Variants in PGM5 observed in about 807,000 individuals in gnomAD.
PGM5 encodes the protein phosphoglucomutase 5.
PGM5 carries 23 observed loss-of-function variants against 59.2 expected under a neutral mutation model. That is an observed-to-expected ratio of 0.39 (90% confidence interval 0.28 to 0.55). The LOEUF (loss-of-function observed/expected upper bound fraction) is 0.55. Ranked by LOEUF, PGM5 falls within the 20% of genes least tolerant of loss-of-function variation. PGM5 has a pLI of 0.66. For missense variants in PGM5, 574 were observed against 748.3 expected (o/e 0.77, Z 2.72); for synonymous variants, 214 against 286.0 (o/e 0.75, Z 2.54).
rs71353048 is a variant in PGM5, at chr9:68,376,765, A to ATTTCTTTCTTTCTTTC, written c.262-1380_262-1365dup. ...CCTTGGGTGGGCCTTGAGGTTCTGC[A>ATTTCTTTCTTTCTTTC]TTTCTTTCTTTCTTTCTTTCTTTCT... is the stretch of plus-strand genomic sequence containing the variant. On this transcript the variant is annotated intron_variant, in intron 1 of 10. Transcript: ENST00000396396. 5.8e-4 allele frequency among the ~76,000 whole-genome samples: 56 copies of ATTTCTTTCTTTCTTTC among 96,796 alleles called. 3 individuals are homozygous for ATTTCTTTCTTTCTTTC. Among genetic ancestry groups the ATTTCTTTCTTTCTTTC allele is most frequent in the East Asian group, 8.5e-4 (3 of 3,522 alleles). The allele number at this position is 96,796 out of a possible 152,430, so 63.5% of individuals were successfully genotyped here.
chr9:68,474,493 A>T lies in PGM5; in HGVS notation c.1160-4925A>T, dbSNP rs144451991. Among the ~76,000 whole-genome samples the T allele has an allele frequency of 1.1e-4, 17 of 152,164 alleles. No individual in the cohort carries two copies. In the East Asian group the frequency reaches 2.9e-3, roughly 26 times the overall value. ...ACTTATTAGTGTCCTGCCTAGCTCA[A>T]GTAGCATGGTTTTGAAGATTGAGAA... On this transcript the variant is annotated intron_variant, in intron 7 of 10. Transcript: ENST00000396396.
chr9:68,430,391 A>G (rs781831212), intron 6 of PGM5, among the ~76,000 whole-genome samples: 36 of 152,382 alleles, frequency 2.4e-4, no homozygotes, highest in Non-Finnish European at 4.9e-4. Context: ...CGCTTTCCAC[A>G]ATGTTTATTC....
chr9:68,513,814 A>G (rs1824786886), intron 10 of PGM5, among the ~76,000 whole-genome samples: 1 of 152,218 alleles, frequency 6.6e-6, no homozygotes, highest in Non-Finnish European at 1.5e-5. Flanking sequence ...ATATACTGAG[A>G]TTTCCCAGTT....
chr9:68,512,423 C>G (rs143520542), intron 10 of PGM5, among the ~76,000 whole-genome samples: 76 of 152,288 alleles, frequency 5.0e-4, no homozygotes, highest in Middle Eastern at 3.4e-3. Flanking sequence ...GGGTGGCTTA[C>G]AAAGCAAGAA....
intron 6 of PGM5, among the ~76,000 whole-genome samples, chr9:68,434,316 CAAAAAAAAAAAAAA>C (rs71353054): frequency 2.2e-5 from 2 of 90,832 alleles, no homozygotes; most frequent in African/African-American, 4.0e-5. Flanking sequence ...GACTCCGTCT[CAAAAAAAAAAAAAA>C]AAAAAAAAAG....
intron 9 of PGM5, among the ~76,000 whole-genome samples, chr9:68,494,492 AC>A (rs1280160349): frequency 6.6e-6 from 1 of 152,218 alleles, no homozygotes; most frequent in Non-Finnish European, 1.5e-5. Context: ...GCAATTAGTT[AC>A]TGCACATTAG....
intron 6 of PGM5, among the ~76,000 whole-genome samples, chr9:68,403,041 T>A (rs1272796644): frequency 2.0e-5 from 3 of 152,226 alleles, no homozygotes; most frequent in Non-Finnish European, 4.4e-5. Context: ...AAGTTTTGTG[T>A]GCTCAGGAAA....
chr9:68,377,234 G>A (rs1554677868), intron 1 of PGM5, among the ~76,000 whole-genome samples: 1 of 152,092 alleles, frequency 6.6e-6, no homozygotes, highest in African/African-American at 2.4e-5. Flanking sequence ...CTGAGGTTCT[G>A]CATTTCTATC....
At chr9:68,411,482 G>GTATATATA (rs1363314665) in intron 6 of PGM5, among the ~76,000 whole-genome samples, 3 of 83,872 alleles carry the variant, frequency 3.6e-5, no homozygotes, top group Non-Finnish European at 8.5e-5. Flanking sequence ...GTGTGTGTGT[G>GTATATATA]TGTGTGTATA....
At chr9:68,460,070 G>A (rs1554685270) in intron 6 of PGM5, among the ~76,000 whole-genome samples, 1 of 152,306 alleles carries the variant, frequency 6.6e-6, no homozygotes, top group South Asian at 2.1e-4. Flanking sequence ...AGGAATGGAA[G>A]AGAGACCTGG....
intron 6 of PGM5, among the ~76,000 whole-genome samples, chr9:68,444,812 T>C (rs1823585208): frequency 6.6e-6 from 1 of 152,160 alleles, no homozygotes; most frequent in African/African-American, 2.4e-5. Flanking sequence ...TAAACACCCC[T>C]GGAGGGTGTA....
At chr9:68,451,696 T>G (rs1240826370) in intron 6 of PGM5, among the ~76,000 whole-genome samples, 2 of 152,198 alleles carry the variant, frequency 1.3e-5, no homozygotes, top group Admixed American at 6.5e-5. Context: ...CCTCTCTCCA[T>G]TGTGTGACTG....
intron 3 of PGM5, among the ~76,000 whole-genome samples, chr9:68,385,204 A>G (rs1822184543): frequency 1.5e-5 from 2 of 132,892 alleles, no homozygotes; most frequent in South Asian, 2.5e-4. Flanking sequence ...AGACCATATG[A>G]CAACAACATT....
intron 6 of PGM5, among the ~76,000 whole-genome samples, chr9:68,403,985 A>G (rs1405718676): frequency 6.6e-6 from 1 of 152,184 alleles, no homozygotes; most frequent in Non-Finnish European, 1.5e-5. Context: ...AAGGTTGGAA[A>G]TTTACATCTT....
intron 6 of PGM5, among the ~76,000 whole-genome samples, chr9:68,418,360 G>A (rs1823070761): frequency 6.6e-6 from 1 of 152,054 alleles, no homozygotes. Flanking sequence ...GCTTAGACAA[G>A]GTATCTGAGT....
chr9:68,359,128 G>C (rs1376728286), intron 1 of PGM5, among the ~76,000 whole-genome samples: 6 of 152,076 alleles, frequency 3.9e-5, no homozygotes, highest in Non-Finnish European at 4.4e-5. Context: ...TGATTTGCAT[G>C]GGAAAATTAT....
intron 6 of PGM5, chr9:68,398,292 A>G (rs1275756609): frequency 6.6e-6 from 1 of 152,192 alleles, no homozygotes; most frequent in African/African-American, 2.4e-5. Context: ...AACTCTGTAT[A>G]GCTGATTCTG....
intron 1 of PGM5, among the ~76,000 whole-genome samples, chr9:68,372,757 G>T (rs1821772636): frequency 1.3e-5 from 2 of 152,202 alleles, no homozygotes; most frequent in Admixed American, 1.3e-4. Flanking sequence ...TTCTGGTGAG[G>T]CCTCAGGAGC....
intron 9 of PGM5, among the ~76,000 whole-genome samples, chr9:68,485,159 T>G (rs915119459): frequency 2.0e-5 from 3 of 152,208 alleles, no homozygotes; most frequent in Non-Finnish European, 4.4e-5. Context: ...TCTTCCTCAG[T>G]GTACTCAGTG....
Sources: gnomAD v4.1 joint callset for allele counts (sites outside exome capture counted in the v4.1 genomes callset) on GRCh38, gnomAD v4.1.1 for gene constraint, MANE v1.5 for transcripts, NCBI Gene and HGNC (gene_info 2026-07-23, HGNC 2026-07-21) for gene names.